The following UNC79 variants were observed in gnomAD, a reference collection of about 807,000 sequenced individuals.
The protein encoded by UNC79 is unc-79 subunit of NALCN channel complex.
Under a neutral mutation model 283.1 loss-of-function variants are expected in UNC79, and 37 were observed. That is an observed-to-expected ratio of 0.13 (90% CI 0.10 to 0.17). The LOEUF (loss-of-function observed/expected upper bound fraction) is 0.17. UNC79 is among the 10% of genes least tolerant of loss of function. UNC79 has a pLI of 1.00. For synonymous variants in UNC79, 1,107 were observed against 1,200.2 expected (o/e 0.92, Z 1.61); for missense variants, 2,272 against 3,211.1 (o/e 0.71, Z 7.07).
At chr14:93,595,580 C>T (rs923772651) in intron 23 of UNC79, among the ~76,000 whole-genome samples, 18 of 152,104 alleles carry the variant, frequency 1.2e-4, no homozygotes, top group Non-Finnish European at 8.8e-5. Flanking sequence ...TTCATCCACG[C>T]GGGGGCCATT....
upstream of UNC79, among the ~76,000 whole-genome samples, chr14:93,430,048 A>T (rs757500141): frequency 6.6e-6 from 1 of 152,206 alleles, no homozygotes. This position sits in a 1 kb window ranked among gnomAD's most constrained non-coding sequence, Gnocchi z 4.6. Context: ...AATATGCACG[A>T]TGCCCTCGTC....
intron 1 of UNC79, chr14:93,347,263 C>A (rs759631639): frequency 6.2e-7 from 1 of 1,600,030 alleles, no homozygotes; most frequent in Non-Finnish European, 8.5e-7. Flanking sequence ...TCTCACCTGA[C>A]GCGATATGCC....
At chr14:93,608,248 C>T (rs976895704) in intron 26 of UNC79, among the ~76,000 whole-genome samples, 7 of 152,284 alleles carry the variant, frequency 4.6e-5, no homozygotes, top group Middle Eastern at 3.4e-3. Context: ...AACTTGCTTA[C>T]GGCCAAGTAA....
intron 14 of UNC79, among the ~76,000 whole-genome samples, chr14:93,545,546 T>A (rs932963542): frequency 6.6e-6 from 1 of 152,220 alleles, no homozygotes; most frequent in African/African-American, 2.4e-5. Context: ...TGACCTTTTT[T>A]ACTCATCTGT....
At position 93,622,390 on chromosome 14, in the gene UNC79, C is replaced by T. The variant is rs779688540; in HGVS notation, c.5157C>T (p.Asp1719=). ...ACTCTGCCCTCATCACTCTGGAAGA[C>T]CCTATGGACGCCGAAGGATCCTCAA... The change falls in exon 30 of 49, where the codon GAC becomes GAT. Residue 1719 remains aspartate (D), a synonymous_variant. Coordinates refer to ENST00000555664, the Ensembl canonical transcript of UNC79. 15 of 1,614,134 alleles carry T rather than the reference C, an allele frequency of 9.3e-6. No individual in the cohort carries two copies. The South Asian group carries it at 1.4e-4, about 15-fold the overall frequency.
chr14:93,586,492 A>C, intron 20 of UNC79, 104 bp from the exon 21 acceptor site: 1 of 990,494 alleles, frequency 1.0e-6, no homozygotes, highest in Non-Finnish European at 1.5e-6. Flanking sequence ...TTTTGCATAT[A>C]TGTCAATTTT....
At chr14:93,545,145 A>G (rs999290767) in intron 14 of UNC79, among the ~76,000 whole-genome samples, 11 of 152,242 alleles carry the variant, frequency 7.2e-5, no homozygotes, top group Non-Finnish European at 1.2e-4. Context: ...GGTGAAAACT[A>G]TCTCAAAGGT....
chr14:93,698,481 T>TTG (rs2075310582), intron 47 of UNC79, among the ~76,000 whole-genome samples: 1 of 98,688 alleles, frequency 1.0e-5, no homozygotes, highest in African/African-American at 5.0e-5. Context: ...TTTAGGTTTT[T>TTG]TTTTTTTTTT....
intron 1 of UNC79, among the ~76,000 whole-genome samples, chr14:93,461,348 A>G (rs573734631): frequency 6.6e-6 from 1 of 152,314 alleles, no homozygotes; most frequent in South Asian, 2.1e-4. Context: ...TACAATCCCA[A>G]TTTTGTTAAG....
chr14:93,601,132 C>T lies in UNC79; in HGVS notation c.3574+362C>T, dbSNP rs192484028. On this transcript the variant is annotated intron_variant, in intron 25 of 48. Coordinates refer to ENST00000555664, the Ensembl canonical transcript of UNC79. ...TTCTAAATTTCAATAGTTTTGGGGA[C>T]ATAGGTGGGTTTTGGTTACATGGAT... 5.9e-5 allele frequency among the ~76,000 whole-genome samples: 9 copies of T among 152,222 alleles called. No homozygotes were observed. The East Asian group carries it at 1.7e-3, about 29-fold the overall frequency.
At chr14:93,425,965 C>T (rs2055717304), upstream of UNC79, among the ~76,000 whole-genome samples, 1 of 152,124 alleles carries the variant, frequency 6.6e-6, no homozygotes, top group Non-Finnish European at 1.5e-5. Flanking sequence ...TTTCCTTCAG[C>T]CTGAAGAACT....
chr14:93,407,365 A>C (rs540129878), intron 1 of UNC79, among the ~76,000 whole-genome samples: 2 of 152,304 alleles, frequency 1.3e-5, no homozygotes, highest in South Asian at 4.1e-4. Context: ...AAACACTTAA[A>C]CAATAATTGA....
chr14:93,612,616 C>A (rs1358504176), intron 26 of UNC79, among the ~76,000 whole-genome samples, 181 bp from the exon 28 acceptor site: 1 of 152,192 alleles, frequency 6.6e-6, no homozygotes, highest in Non-Finnish European at 1.5e-5. Flanking sequence ...ATAACTTTCA[C>A]CCCTGGACTA....
intron 20 of UNC79, among the ~76,000 whole-genome samples, chr14:93,585,968 A>G (rs2064196478): frequency 6.9e-6 from 1 of 145,698 alleles, no homozygotes; most frequent in South Asian, 2.2e-4. Flanking sequence ...TGCAACCTCC[A>G]CCCTCCCAGG....
chr14:93,642,047 G>GTAACA (rs1303949007), intron 33 of UNC79, among the ~76,000 whole-genome samples: 2 of 151,924 alleles, frequency 1.3e-5, no homozygotes, highest in African/African-American at 2.4e-5. Context: ...TCAATTAAAC[G>GTAACA]TCTTTCCTTT....
chr14:93,581,031 T>C (rs2063765946), intron 19 of UNC79, among the ~76,000 whole-genome samples: 1 of 151,406 alleles, frequency 6.6e-6, no homozygotes, highest in African/African-American at 2.4e-5. Context: ...TTTTAAATTG[T>C]TTCTCCATCT....
chr14:93,518,470 G>A (rs1381412101), intron 7 of UNC79, among the ~76,000 whole-genome samples: 3 of 144,754 alleles, frequency 2.1e-5, no homozygotes, highest in African/African-American at 7.7e-5. Flanking sequence ...GGATGCTGGG[G>A]CCTATCAAGT....
intron 18 of UNC79, among the ~76,000 whole-genome samples, chr14:93,578,816 A>G (rs2063615278): frequency 6.6e-6 from 1 of 152,236 alleles, no homozygotes; most frequent in African/African-American, 2.4e-5. Flanking sequence ...ATATAATAAT[A>G]GTAATGTCAT....
chr14:93,485,506 A>C (rs891063574), intron 4 of UNC79, among the ~76,000 whole-genome samples: 2 of 152,120 alleles, frequency 1.3e-5, no homozygotes, highest in Non-Finnish European at 2.9e-5. Context: ...CTGACTCTCC[A>C]GAAGCATCTT....
Sources: allele counts gnomAD v4.1 joint callset (sites outside exome capture counted in the v4.1 genomes callset), GRCh38; gene constraint gnomAD v4.1.1; non-coding constraint Gnocchi (gnomAD v3.1); transcripts MANE v1.5; gene names NCBI Gene and HGNC (gene_info 2026-07-23, HGNC 2026-07-21).